TDRD10: variants seen among roughly 807,000 people sequenced by gnomAD.
TDRD10 encodes the protein tudor domain containing 10, also known as tudor domain-containing protein 10.
TDRD10 carries 40 observed loss-of-function variants against 48.0 expected under a neutral mutation model. That is an observed-to-expected ratio of 0.83 (90% CI 0.65 to 1.09). TDRD10 has a LOEUF of 1.09. Ranked by LOEUF, TDRD10 falls within the 50% of genes least tolerant of loss-of-function variation. TDRD10 has a pLI of 0.00. For missense variants in TDRD10, 378 were observed against 434.7 expected (o/e 0.87, Z 1.16); for synonymous variants, 162 against 170.4 (o/e 0.95, Z 0.38).
At position 154,507,302 on chromosome 1, in the gene TDRD10, G is replaced by A. The variant is rs1344108418; in HGVS notation, c.64G>A (p.Glu22Lys). ...DKLFGKNGVL[E>K]EQKSPGFKKR... ...ACTGTTTGGGAAGAATGGAGTGTTG[G>A]AGGAGCAGAAATCTCCAGGTAAGTT... is the stretch of plus-strand genomic sequence containing the variant. The change falls in exon 3 of 13, where the codon GAG becomes AAG. Residue 22 changes from glutamate to lysine, a missense_variant. By Grantham distance (56) the Glu-to-Lys change is moderately conservative. Around this residue, in one of 2 missense-constraint regions of TDRD10, gnomAD observed 310 missense variants for 323.6 expected, o/e 0.96. Transcript: ENST00000368482. 1 of 1,614,086 alleles carries A rather than the reference G, an allele frequency of 6.2e-7. No homozygotes were observed. The highest frequency in any genetic ancestry group is 8.5e-7 in the Non-Finnish European group (1 of 1,180,018).
intron 6 of TDRD10, among the ~76,000 whole-genome samples, chr1:154,535,369 G>GA (rs112520948): frequency 0.017 from 2,283 of 132,770 alleles, 47 homozygotes; most frequent in African/African-American, 0.057. Context: ...TCCATCTCAA[G>GA]AAAAAAAAAA....
intron 6 of TDRD10, among the ~76,000 whole-genome samples, chr1:154,536,977 C>T (rs1409446682): frequency 6.6e-6 from 1 of 152,220 alleles, no homozygotes; most frequent in African/African-American, 2.4e-5. Flanking sequence ...AGACCTGTTT[C>T]TGGCAGTCCG....
intron 4 of TDRD10, among the ~76,000 whole-genome samples, chr1:154,514,776 C>T (rs1693661368): frequency 6.6e-6 from 1 of 152,136 alleles, no homozygotes; most frequent in Non-Finnish European, 1.5e-5. Context: ...CAGCCTCGAC[C>T]TCCCGGGCCC....
chr1:154,515,207 AG>A (rs1241229423), intron 4 of TDRD10, among the ~76,000 whole-genome samples: 4 of 152,030 alleles, frequency 2.6e-5, no homozygotes, highest in Admixed American at 2.6e-4. Context: ...CATGTTGCTC[AG>A]GCTGGTCTCA....
At chr1:154,507,003 A>G (rs542030390) in intron 2 of TDRD10, 98 bp downstream of exon 2, 9 of 1,608,230 alleles carry the variant, frequency 5.6e-6, no homozygotes, top group African/African-American at 2.7e-5. Context: ...CTTAAGAGTC[A>G]CCCCTGGCAT....
chr1:154,529,490 G>A (rs1036092716), intron 6 of TDRD10, among the ~76,000 whole-genome samples: 6 of 151,716 alleles, frequency 4.0e-5, no homozygotes, highest in Non-Finnish European at 8.8e-5. Flanking sequence ...AGTAATAGCA[G>A]AAACCGCAAT....
intron 4 of TDRD10, among the ~76,000 whole-genome samples, chr1:154,514,880 T>TATTTA (rs1557816897): frequency 6.6e-6 from 1 of 151,406 alleles, no homozygotes; most frequent in Non-Finnish European, 1.5e-5. Flanking sequence ...ATTTATTTTT[T>TATTTA]TTTTTGAGAC....
intron 4 of TDRD10, among the ~76,000 whole-genome samples, chr1:154,516,134 A>G (rs1366194303): frequency 6.6e-6 from 1 of 152,232 alleles, no homozygotes; most frequent in Non-Finnish European, 1.5e-5. Context: ...ATAAGTATCT[A>G]TTGAATGAAA....
Position 154,526,789 on chromosome 1 carries a change from C to T in TDRD10, c.369+5310C>T, listed in dbSNP as rs534786168. ...TTTTTTGGTATGGATGGGGTTTCAC[C>T]ATGTTGGCCAGGCTGGTCTGCAACT... On this transcript the variant is annotated intron_variant, in intron 6 of 12. Coordinates refer to ENST00000368482, the MANE Select transcript of TDRD10 (RefSeq NM_182499.4). 1.2e-3 allele frequency among the ~76,000 whole-genome samples: 178 copies of T among 151,764 alleles called. 1 individual carries two copies. The highest frequency in any genetic ancestry group is 4.1e-3 in the African/African-American group (168 of 41,366).
At chr1:154,506,409 T>C (rs1350791052) in intron 1 of TDRD10, among the ~76,000 whole-genome samples, 2 of 150,214 alleles carry the variant, frequency 1.3e-5, no homozygotes, top group Admixed American at 6.7e-5. Flanking sequence ...GTTGTCTCAC[T>C]CTGTCGCCCA....
intron 6 of TDRD10, among the ~76,000 whole-genome samples, chr1:154,531,836 C>T (rs552945199): frequency 3.9e-5 from 6 of 152,252 alleles, no homozygotes; most frequent in Middle Eastern, 3.4e-3. Context: ...CTGATTGGTG[C>T]GTTTACAATC....
intron 6 of TDRD10, among the ~76,000 whole-genome samples, chr1:154,535,566 G>A (rs1319940266): frequency 6.6e-6 from 1 of 151,676 alleles, no homozygotes; most frequent in Non-Finnish European, 1.5e-5. Context: ...TGTAGTCCCA[G>A]CTACTGGTGA....
At chr1:154,509,747 C>T (rs576698858) in intron 4 of TDRD10, 5 of 935,160 alleles carry the variant, frequency 5.3e-6, no homozygotes, top group East Asian at 1.2e-4. Flanking sequence ...ATTCCTGGCA[C>T]CTGATAGACG....
chr1:154,505,890 C>T (rs564987930), intron 1 of TDRD10, among the ~76,000 whole-genome samples: 7 of 152,194 alleles, frequency 4.6e-5, no homozygotes, highest in Non-Finnish European at 8.8e-5. Context: ...TGCGGTATCT[C>T]ACTTCACTGC....
At chr1:154,513,089 TC>T (rs1468060472) in intron 4 of TDRD10, among the ~76,000 whole-genome samples, 7 of 152,146 alleles carry the variant, frequency 4.6e-5, no homozygotes, top group African/African-American at 1.7e-4. Flanking sequence ...CTATTTTTGT[TC>T]TGATTTGAAA....
intron 3 of TDRD10, 61 bp from the exon 4 acceptor site, chr1:154,508,362 G>A (rs1398285852): frequency 1.7e-6 from 2 of 1,159,350 alleles, no homozygotes; most frequent in African/African-American, 3.0e-5. Flanking sequence ...CCTGTATTCT[G>A]ACTCCTCTGA....
At chr1:154,535,724 C>T (rs1253013801) in intron 6 of TDRD10, among the ~76,000 whole-genome samples, 1 of 152,064 alleles carries the variant, frequency 6.6e-6, no homozygotes, top group Non-Finnish European at 1.5e-5. Context: ...GATAGGGTCT[C>T]AAAAAATGTG....
At chr1:154,516,597 C>T (rs1220790785) in intron 4 of TDRD10, among the ~76,000 whole-genome samples, 1 of 152,116 alleles carries the variant, frequency 6.6e-6, no homozygotes, top group Non-Finnish European at 1.5e-5. Context: ...AAGTACTGGA[C>T]ATCAGGTAGT....
chr1:154,540,644 C>CA (rs745914195), intron 6 of TDRD10, among the ~76,000 whole-genome samples: 8 of 152,120 alleles, frequency 5.3e-5, no homozygotes, highest in Non-Finnish European at 1.2e-4. Flanking sequence ...TGTACCTCTT[C>CA]ACTGTCCTGT....
Sources: allele counts gnomAD v4.1 joint callset (sites outside exome capture counted in the v4.1 genomes callset), GRCh38; gene constraint gnomAD v4.1.1; regional missense constraint gnomAD v4.1.1; transcripts MANE v1.5; gene names NCBI Gene and HGNC (gene_info 2026-07-23, HGNC 2026-07-21).